The following LRRTM4 variants were observed in gnomAD, a reference collection of about 807,000 sequenced individuals.
The protein encoded by LRRTM4 is leucine rich repeat transmembrane neuronal 4, also known as leucine-rich repeat transmembrane neuronal protein 4.
Under a neutral mutation model 47.6 loss-of-function variants are expected in LRRTM4, and 25 were observed. That is an observed-to-expected ratio of 0.53 (90% CI 0.38 to 0.73). LRRTM4 has a LOEUF of 0.73. Among genes scored for constraint, LRRTM4 ranks in the 30% least tolerant of loss-of-function variants. LRRTM4 has a pLI of 0.00. For synonymous variants in LRRTM4, 311 were observed against 269.5 expected (o/e 1.15, Z -1.51); for missense variants, 638 against 713.4 (o/e 0.89, Z 1.20).
chr2:77,495,607 T>C (rs1040224426), intron 3 of LRRTM4, among the ~76,000 whole-genome samples: 36 of 152,028 alleles, frequency 2.4e-4, no homozygotes, highest in African/African-American at 8.7e-4. Context: ...GATTTTGGCA[T>C]ACGGATGGCA....
intron 3 of LRRTM4, among the ~76,000 whole-genome samples, chr2:76,907,244 C>G (rs1182982120): frequency 1.3e-5 from 2 of 150,870 alleles, no homozygotes; most frequent in Non-Finnish European, 2.9e-5. Context: ...TGAATGACTA[C>G]CAGGTACATA....
chr2:77,244,861 G>A (rs10173024), intron 3 of LRRTM4, among the ~76,000 whole-genome samples: 83,081 of 151,854 alleles, frequency 0.55, 23,100 homozygotes, highest in African/African-American at 0.6. Context: ...TCAGCCCAAA[G>A]TTCATGAGAA....
chr2:77,432,676 T>C (rs1675430699), intron 3 of LRRTM4, among the ~76,000 whole-genome samples: 1 of 152,154 alleles, frequency 6.6e-6, no homozygotes, highest in African/African-American at 2.4e-5. Flanking sequence ...TTTAGAGAGC[T>C]AGAGATAGGT....
At chr2:77,068,008 T>C (rs995657879) in intron 3 of LRRTM4, among the ~76,000 whole-genome samples, 3 of 152,070 alleles carry the variant, frequency 2.0e-5, no homozygotes, top group South Asian at 2.1e-4. Context: ...ATACGGAGGA[T>C]AAAGGAATAT....
chr2:76,910,193 G>T (rs142059782), intron 3 of LRRTM4, among the ~76,000 whole-genome samples: 3,012 of 152,252 alleles, frequency 0.02, 90 homozygotes, highest in African/African-American at 0.064. Context: ...TATGTCCTTT[G>T]TAGGGACATG....
intron 3 of LRRTM4, among the ~76,000 whole-genome samples, chr2:77,387,272 T>C (rs1186233655): frequency 6.6e-6 from 1 of 152,166 alleles, no homozygotes; most frequent in Non-Finnish European, 1.5e-5. Context: ...GGGGACATAC[T>C]GATATATATA....
chr2:77,339,349 A>G (rs1274419362), intron 3 of LRRTM4, among the ~76,000 whole-genome samples: 2 of 152,088 alleles, frequency 1.3e-5, no homozygotes, highest in African/African-American at 2.4e-5. Flanking sequence ...TACTTTAAAT[A>G]TAATTTATAG....
intron 3 of LRRTM4, among the ~76,000 whole-genome samples, chr2:77,494,352 T>A (rs1236991026): frequency 1.3e-5 from 2 of 152,110 alleles, no homozygotes; most frequent in Non-Finnish European, 2.9e-5. Flanking sequence ...AGCTCTCTGT[T>A]ACCAACTCAT....
intron 3 of LRRTM4, among the ~76,000 whole-genome samples, chr2:77,052,528 T>C (rs1266010277): frequency 6.6e-6 from 1 of 152,086 alleles, no homozygotes; most frequent in African/African-American, 2.4e-5. Flanking sequence ...TTAAGGGCCA[T>C]GTTACTCATC....
chr2:76,921,435 T>C (rs1247825721), intron 3 of LRRTM4, among the ~76,000 whole-genome samples: 2 of 152,094 alleles, frequency 1.3e-5, no homozygotes, highest in Non-Finnish European at 2.9e-5. Context: ...TTCTCTACTG[T>C]GAAGTTACCT....
intron 3 of LRRTM4, among the ~76,000 whole-genome samples, chr2:77,005,706 A>G (rs1215650866): frequency 6.6e-6 from 1 of 152,158 alleles, no homozygotes; most frequent in East Asian, 1.9e-4. Context: ...ATACCATGTA[A>G]GACATGACTT....
chr2:76,921,168 T>G (rs1272462145), intron 3 of LRRTM4, among the ~76,000 whole-genome samples: 1 of 152,158 alleles, frequency 6.6e-6, no homozygotes, highest in Non-Finnish European at 1.5e-5. Flanking sequence ...TAGGTGCTTC[T>G]TGGCTATGAC....
intron 3 of LRRTM4, among the ~76,000 whole-genome samples, chr2:77,457,004 G>GTGTATATA (rs1192297417): frequency 1.8e-3 from 41 of 23,112 alleles, no homozygotes; most frequent in Non-Finnish European, 2.5e-3. Flanking sequence ...GTGTGTGTGT[G>GTGTATATA]TATATATATA....
At chr2:77,138,545 C>T (rs1490302830) in intron 3 of LRRTM4, among the ~76,000 whole-genome samples, 2 of 152,108 alleles carry the variant, frequency 1.3e-5, no homozygotes, top group Non-Finnish European at 2.9e-5. Flanking sequence ...GACAACTTAA[C>T]ATCACAATTA....
chr2:77,509,731 T>C (rs533820278), intron 3 of LRRTM4, among the ~76,000 whole-genome samples: 1 of 152,300 alleles, frequency 6.6e-6, no homozygotes, highest in Admixed American at 6.5e-5. Flanking sequence ...GAATAGTACC[T>C]CATTAATCAT....
intron 3 of LRRTM4, among the ~76,000 whole-genome samples, chr2:77,407,702 TA>T (rs1674264428): frequency 8.0e-6 from 1 of 124,722 alleles, no homozygotes; most frequent in Admixed American, 8.0e-5. Flanking sequence ...ATATGATATA[TA>T]TAATATATCA....
At chr2:77,248,246 T>A (rs976089837) in intron 3 of LRRTM4, among the ~76,000 whole-genome samples, 6 of 151,752 alleles carry the variant, frequency 4.0e-5, no homozygotes, top group African/African-American at 1.4e-4. Flanking sequence ...TGTTTGTATA[T>A]GTTTTTAATA....
intron 3 of LRRTM4, among the ~76,000 whole-genome samples, chr2:77,272,157 A>T (rs1676218525): frequency 6.6e-6 from 1 of 152,018 alleles, no homozygotes; most frequent in South Asian, 2.1e-4. Flanking sequence ...TATTTTCTCC[A>T]TGCGTCTATC....
At chr2:77,186,709 A>G (rs951357586) in intron 3 of LRRTM4, among the ~76,000 whole-genome samples, 16 of 152,170 alleles carry the variant, frequency 1.1e-4, no homozygotes, top group South Asian at 4.1e-4. Flanking sequence ...TGATGCTTCT[A>G]TGATATTTGG....
Sources: gnomAD v4.1 joint callset for allele counts (sites outside exome capture counted in the v4.1 genomes callset) on GRCh38, gnomAD v4.1.1 for gene constraint, MANE v1.5 for transcripts, NCBI Gene and HGNC (gene_info 2026-07-23, HGNC 2026-07-21) for gene names.